DCLK2: variants seen among roughly 807,000 people sequenced by gnomAD.
The protein encoded by DCLK2 is serine/threonine-protein kinase DCLK2.
DCLK2 carries 31 observed loss-of-function variants against 78.4 expected under a neutral mutation model. The ratio of observed to expected loss-of-function variants is 0.40; its 90% CI spans 0.30 to 0.53. DCLK2 has a LOEUF of 0.53. Among genes scored for constraint, DCLK2 ranks in the 20% least tolerant of loss-of-function variants. DCLK2 has a pLI of 0.61. For synonymous variants in DCLK2, 407 were observed against 374.9 expected, an observed-to-expected ratio of 1.09 and a Z score of -0.99; for missense variants, 872 against 973.7, an observed-to-expected ratio of 0.90 and a Z score of 1.39.
intron 5 of DCLK2, among the ~76,000 whole-genome samples, chr4:150,219,904 T>C (rs1483159479): frequency 1.3e-5 from 2 of 152,162 alleles, no homozygotes; most frequent in Non-Finnish European, 2.9e-5. Flanking sequence ...TTGGAGTTAT[T>C]ATGTTGGTAA....
Position 150,079,317 on chromosome 4 carries a change from G to T in DCLK2, c.290G>T (p.Arg97Leu), listed in dbSNP as rs778492434. The T allele has an allele frequency of 1.3e-6, 2 of 1,592,004 alleles. No individual in the cohort carries two copies. Among genetic ancestry groups the T allele is most frequent in the Non-Finnish European group, 8.6e-7 (1 of 1,169,530 alleles). ...TTTGCCATCTCCAGCGACCGCTTCC[G>T]GTCCTTCGATGCGCTCCTCATAGAG... ...LVFAISSDRFRSFDALLIELT... is the reference protein window; with the variant it reads ...LVFAISSDRFLSFDALLIELT... Residue 97 changes from arginine to leucine, a missense_variant, in exon 1 of 16, where the codon CGG (arginine) becomes CTG (leucine). Arg to Leu is a moderately radical substitution (Grantham distance 102). Around this residue, in one of 3 missense-constraint regions of DCLK2, gnomAD observed 567 missense variants for 593.4 expected, o/e 0.96. Coordinates refer to ENST00000296550, the MANE Select transcript of DCLK2 (RefSeq NM_001040260.4).
chr4:150,225,261 G>C (rs1741512854), intron 8 of DCLK2, among the ~76,000 whole-genome samples: 1 of 152,216 alleles, frequency 6.6e-6, no homozygotes, highest in Middle Eastern at 3.2e-3. Flanking sequence ...TCCTTGGAAA[G>C]ATAGTTTGGA....
intron 2 of DCLK2, chr4:150,175,754 T>C (rs1737042409): frequency 6.6e-6 from 1 of 152,238 alleles, no homozygotes; most frequent in African/African-American, 2.4e-5. Context: ...GTGTTGCACT[T>C]ACTGTAGAAT....
intron 2 of DCLK2, among the ~76,000 whole-genome samples, chr4:150,155,269 A>C (rs1735189667): frequency 6.6e-6 from 1 of 152,218 alleles, no homozygotes; most frequent in Non-Finnish European, 1.5e-5. Context: ...CATGAAAATG[A>C]CTTAAAATGA....
chr4:150,210,453 T>C (rs533661264), intron 5 of DCLK2, among the ~76,000 whole-genome samples: 4 of 152,322 alleles, frequency 2.6e-5, no homozygotes, highest in Admixed American at 2.6e-4. Flanking sequence ...CCTTCACCTC[T>C]GCTTTCCTGC....
At chr4:150,197,050 A>T (rs1422131674) in intron 3 of DCLK2, among the ~76,000 whole-genome samples, 1 of 151,872 alleles carries the variant, frequency 6.6e-6, no homozygotes, top group Non-Finnish European at 1.5e-5. Context: ...CTCAGGCCAG[A>T]GGCTGAGACA....
At position 150,190,051 on chromosome 4, in the gene DCLK2, AGG is replaced by A. The variant is rs1560850352; in HGVS notation, c.757-3086_757-3085del. On this transcript the variant is annotated intron_variant, in intron 2 of 15. Coordinates refer to ENST00000296550, the MANE Select transcript of DCLK2 (RefSeq NM_001040260.4). ...CCCTGTCTCAAAAAAAAAAAAAAAA[AGG>A]CCAAGTGTGGTGGCTGTGGTCCCAG... Among the ~76,000 whole-genome samples the A allele has an allele frequency of 1.1e-3, 152 of 141,686 alleles. 26 individuals are homozygous for A. The highest frequency in any genetic ancestry group is 1.5e-3 in the South Asian group (6 of 4,132). The allele number at this position is 141,686 out of a possible 152,430, so 93.0% of individuals were successfully genotyped here. A position where few individuals can be genotyped will look rare whatever the true frequency, so the allele number is the denominator to read the frequency against.
At chr4:150,186,062 T>C (rs1009731384) in intron 2 of DCLK2, among the ~76,000 whole-genome samples, 2 of 152,210 alleles carry the variant, frequency 1.3e-5, no homozygotes, top group Non-Finnish European at 2.9e-5. Flanking sequence ...TATAGCTTGC[T>C]TTCACAGGCC....
intron 2 of DCLK2, among the ~76,000 whole-genome samples, chr4:150,157,520 TG>T (rs772388108): frequency 2.7e-4 from 39 of 144,076 alleles, no homozygotes; most frequent in Middle Eastern, 3.5e-3. Flanking sequence ...TTTGTTTGTT[TG>T]TTTGTTTTTG....
rs532599225 is a variant in DCLK2 at position 150,134,326 on chromosome 4, C to G, written c.756+31514C>G. On this transcript the variant is annotated intron_variant, in intron 2 of 15. Transcript: ENST00000296550. ...CGAACTTCTGACCTCAGGTGATCCA[C>G]CTGCCTCGGCCTCCCAAAGTGCTGG... 3.9e-5 allele frequency among the ~76,000 whole-genome samples: 6 copies of G among 152,172 alleles called. No individual in the cohort carries two copies. In the South Asian group the frequency reaches 1.0e-3, roughly 26 times the overall value.
At chr4:150,181,798 G>A (rs1737547286) in intron 2 of DCLK2, among the ~76,000 whole-genome samples, 1 of 152,076 alleles carries the variant, frequency 6.6e-6, no homozygotes, top group Admixed American at 6.6e-5. Flanking sequence ...GCTATTCTAA[G>A]TAGCTTTCTT....
chr4:150,214,678 C>T (rs1740546824), intron 5 of DCLK2, among the ~76,000 whole-genome samples: 1 of 152,008 alleles, frequency 6.6e-6, no homozygotes, highest in African/African-American at 2.4e-5. Flanking sequence ...ATGTTTCTGA[C>T]CTGCCGGGCA....
At chr4:150,163,865 A>G (rs1735879132) in intron 2 of DCLK2, among the ~76,000 whole-genome samples, 1 of 152,250 alleles carries the variant, frequency 6.6e-6, no homozygotes, top group South Asian at 2.1e-4. Context: ...TACCAATTTT[A>G]GGAAGTTAGT....
At chr4:150,231,636 G>A (rs1742078448) in intron 8 of DCLK2, among the ~76,000 whole-genome samples, 2 of 152,180 alleles carry the variant, frequency 1.3e-5, no homozygotes, top group African/African-American at 2.4e-5. Flanking sequence ...CTACAGTGCT[G>A]ATCCCAACTG....
At chr4:150,114,592 A>T (rs1386293124) in intron 2 of DCLK2, among the ~76,000 whole-genome samples, 1 of 152,186 alleles carries the variant, frequency 6.6e-6, no homozygotes, top group African/African-American at 2.4e-5. Flanking sequence ...GTCTGGTAGT[A>T]ACATTTCCTT....
chr4:150,224,839 G>T (rs754246895), intron 8 of DCLK2, among the ~76,000 whole-genome samples: 5 of 152,158 alleles, frequency 3.3e-5, no homozygotes, highest in Non-Finnish European at 5.9e-5. Flanking sequence ...CAAAAGGTGC[G>T]TCAAGAACTC....
At chr4:150,190,531 A>G (rs1477777172) in intron 2 of DCLK2, among the ~76,000 whole-genome samples, 1 of 152,154 alleles carries the variant, frequency 6.6e-6, no homozygotes, top group Non-Finnish European at 1.5e-5. Flanking sequence ...TGCTAAGTAA[A>G]AGAAGCCAGT....
chr4:150,245,994 C>CG (rs1743278773), intron 12 of DCLK2, among the ~76,000 whole-genome samples: 1 of 152,016 alleles, frequency 6.6e-6, no homozygotes, highest in South Asian at 2.1e-4. Context: ...ATAGCAAAGA[C>CG]CTGGGCTTGC....
chr4:150,254,034 T>C (rs1744376471), intron 15 of DCLK2, among the ~76,000 whole-genome samples: 1 of 152,212 alleles, frequency 6.6e-6, no homozygotes, highest in Non-Finnish European at 1.5e-5. Flanking sequence ...ACAGTTCCCA[T>C]TTTCTTGGAC....
Sources: allele counts gnomAD v4.1 joint callset (sites outside exome capture counted in the v4.1 genomes callset), GRCh38; gene constraint gnomAD v4.1.1; regional missense constraint gnomAD v4.1.1; transcripts MANE v1.5; gene names NCBI Gene and HGNC (gene_info 2026-07-23, HGNC 2026-07-21).